The following FER variants were observed in gnomAD, a reference collection of about 807,000 sequenced individuals.
The protein encoded by FER is tyrosine-protein kinase Fer.
A neutral mutation model predicts 111.0 loss-of-function variants in FER; 63 were observed. That is an observed-to-expected ratio of 0.57 (90% CI 0.46 to 0.70). The LOEUF (loss-of-function observed/expected upper bound fraction) is 0.70, where lower values mean the gene tolerates loss of function less well. Among genes scored for constraint, FER ranks in the 30% least tolerant of loss-of-function variants. The pLI, the probability that FER is intolerant of heterozygous loss-of-function variation, is 0.00. For synonymous variants in FER, 327 were observed against 313.9 expected, an observed-to-expected ratio of 1.04 and a Z score of -0.44; for missense variants, 914 against 954.0, an observed-to-expected ratio of 0.96 and a Z score of 0.55.
intron 17 of FER, 66 bp downstream of exon 17, chr5:109,100,585 T>G: frequency 7.5e-6 from 11 of 1,470,414 alleles, no homozygotes; most frequent in Non-Finnish European, 1.0e-5. Context: ...CTGATGTATT[T>G]GCTACAATAG....
chr5:109,158,383 A>G (rs1261721913), intron 17 of FER, among the ~76,000 whole-genome samples: 1 of 152,146 alleles, frequency 6.6e-6, no homozygotes, highest in African/African-American at 2.4e-5. Context: ...AGCCTGGGTG[A>G]CAGAGTGAGA....
At chr5:108,927,276 C>T (rs1173724264) in intron 10 of FER, among the ~76,000 whole-genome samples, 3 of 30,666 alleles carry the variant, frequency 9.8e-5, no homozygotes, top group African/African-American at 6.1e-4. Context: ...TTTTTTGAGA[C>T]GGAGTCTCGC....
intron 2 of FER, among the ~76,000 whole-genome samples, chr5:108,795,661 C>T (rs1020327771): frequency 6.6e-5 from 10 of 152,156 alleles, no homozygotes; most frequent in African/African-American, 2.4e-4. Flanking sequence ...CTGATGCATT[C>T]TTCAGTGCGT....
At chr5:109,173,112 A>G (rs530163889) in intron 17 of FER, among the ~76,000 whole-genome samples, 1 of 152,216 alleles carries the variant, frequency 6.6e-6, no homozygotes, top group Non-Finnish European at 1.5e-5. Flanking sequence ...GCACTTGTAA[A>G]TGTCCAACCA....
At chr5:108,983,121 T>C (rs1280583146) in intron 13 of FER, among the ~76,000 whole-genome samples, 1 of 152,108 alleles carries the variant, frequency 6.6e-6, no homozygotes, top group African/African-American at 2.4e-5. Flanking sequence ...ATAAATTGAA[T>C]AATTCTAATC....
rs371135948 is a variant in FER at position 109,044,803 on chromosome 5, A to G, written c.1829+8A>G. The G allele has an allele frequency of 9.5e-6, 12 of 1,268,934 alleles. No individual in the cohort carries two copies. The highest frequency in any genetic ancestry group is 1.3e-5 in the Non-Finnish European group (12 of 900,346). 78.6% of individuals were successfully genotyped at this position (1,268,934 alleles called of 1,614,324 possible). ...ATTTTTACAAGAAGCCAAGTGAGTT[A>G]TTTAAAGTAATCAAAATATGTATTT... On this transcript the variant is annotated splice_region_variant and intron_variant, in intron 15 of 19. Coordinates refer to ENST00000281092, the MANE Select transcript of FER (RefSeq NM_005246.4).
chr5:108,765,110 G>A (rs941900776), intron 1 of FER, among the ~76,000 whole-genome samples: 1 of 152,160 alleles, frequency 6.6e-6, no homozygotes, highest in African/African-American at 2.4e-5. Context: ...GAAGATTAAG[G>A]TGCATTAGAA....
At chr5:108,850,023 C>T (rs1469482682) in intron 5 of FER, among the ~76,000 whole-genome samples, 1 of 152,000 alleles carries the variant, frequency 6.6e-6, no homozygotes, top group African/African-American at 2.4e-5. Context: ...AACCCCGTCT[C>T]TACTAAAAAA....
At chr5:108,890,431 G>T (rs781374328) in intron 9 of FER, among the ~76,000 whole-genome samples, 1 of 152,028 alleles carries the variant, frequency 6.6e-6, no homozygotes, top group Non-Finnish European at 1.5e-5. Context: ...TTCCTTCTGA[G>T]AACTCCAAAG....
intron 16 of FER, chr5:109,051,916 C>G: frequency 1.3e-6 from 2 of 1,574,206 alleles, no homozygotes; most frequent in Non-Finnish European, 1.7e-6. Flanking sequence ...GTGAACAGCA[C>G]TCAAGCTGAA....
intron 16 of FER, among the ~76,000 whole-genome samples, chr5:109,062,861 A>G (rs1774601630): frequency 1.3e-5 from 2 of 152,244 alleles, no homozygotes; most frequent in South Asian, 2.1e-4. Flanking sequence ...ATCTGGTACA[A>G]TTCTCAGCTC....
At chr5:108,884,968 A>G (rs1645080046) in intron 9 of FER, among the ~76,000 whole-genome samples, 1 of 151,862 alleles carries the variant, frequency 6.6e-6, no homozygotes, top group Admixed American at 6.6e-5. Context: ...GGCCTTTGGA[A>G]CTCAAAATGC....
intron 16 of FER, among the ~76,000 whole-genome samples, chr5:109,084,861 C>A (rs72796558): frequency 0.012 from 1,870 of 151,994 alleles, 28 homozygotes; most frequent in Non-Finnish European, 0.018. Context: ...ACTTCCCTTT[C>A]CTCATTGAGT....
At chr5:109,045,631 T>C (rs10043235) in intron 15 of FER, among the ~76,000 whole-genome samples, 3,472 of 152,282 alleles carry the variant, frequency 0.023, 96 homozygotes, top group African/African-American at 0.066. Flanking sequence ...ACCAGGTCTT[T>C]GAGAAAAGAA....
chr5:109,063,478 CAA>C (rs1774696718), intron 16 of FER, among the ~76,000 whole-genome samples: 1 of 152,150 alleles, frequency 6.6e-6, no homozygotes, highest in South Asian at 2.1e-4. Flanking sequence ...ATTGAGCCAA[CAA>C]AGGATTAAGG....
At chr5:109,102,494 G>C (rs1327981560) in intron 17 of FER, among the ~76,000 whole-genome samples, 2 of 152,104 alleles carry the variant, frequency 1.3e-5, no homozygotes, top group African/African-American at 4.8e-5. Context: ...CATCTGCCAG[G>C]GTACTCACGA....
At chr5:108,902,901 A>ATATTTATTTATT (rs140692614) in intron 10 of FER, among the ~76,000 whole-genome samples, 46 of 151,064 alleles carry the variant, frequency 3.0e-4, no homozygotes, top group Non-Finnish European at 5.5e-4. Flanking sequence ...CTTTCTTATT[A>ATATTTATTTATT]TATTTATTTA....
chr5:108,828,295 A>T (rs1324146144), intron 3 of FER, among the ~76,000 whole-genome samples: 1 of 152,228 alleles, frequency 6.6e-6, no homozygotes, highest in African/African-American at 2.4e-5. Flanking sequence ...CTGCTTATTT[A>T]AAAACCTTCA....
chr5:108,970,087 C>T (rs1442746452), intron 13 of FER, among the ~76,000 whole-genome samples: 2 of 148,314 alleles, frequency 1.3e-5, no homozygotes, highest in Non-Finnish European at 2.9e-5. Flanking sequence ...TAGTTTAAGA[C>T]TCAGGACACA....
Sources: gnomAD v4.1 joint callset for allele counts (sites outside exome capture counted in the v4.1 genomes callset) on GRCh38, gnomAD v4.1.1 for gene constraint, MANE v1.5 for transcripts, NCBI Gene and HGNC (gene_info 2026-07-23, HGNC 2026-07-21) for gene names.